The following ASTN1 variants were observed in gnomAD, a reference collection of about 807,000 sequenced individuals.
The protein encoded by ASTN1 is astrotactin-1.
Under a neutral mutation model 140.7 loss-of-function variants are expected in ASTN1, and 41 were observed. That is an observed-to-expected ratio of 0.29 (90% CI 0.23 to 0.38). The LOEUF (loss-of-function observed/expected upper bound fraction) is 0.38, where lower values mean the gene tolerates loss of function less well. ASTN1 is among the 10% of genes least tolerant of loss of function. ASTN1 has a pLI of 1.00. For missense variants in ASTN1, 1,479 were observed against 1,678.8 expected, an observed-to-expected ratio of 0.88 and a Z score of 2.08; for synonymous variants, 640 against 652.2, an observed-to-expected ratio of 0.98 and a Z score of 0.29.
intron 1 of ASTN1, among the ~76,000 whole-genome samples, chr1:177,071,062 C>T (rs1678612613): frequency 6.6e-6 from 1 of 152,190 alleles, no homozygotes; most frequent in African/African-American, 2.4e-5. Flanking sequence ...AGTCCAGGAA[C>T]TATAAGTCCA....
chr1:177,066,390 G>A (rs1214144698), intron 1 of ASTN1, among the ~76,000 whole-genome samples: 1 of 152,198 alleles, frequency 6.6e-6, no homozygotes, highest in African/African-American at 2.4e-5. Flanking sequence ...AGAATAATCA[G>A]GGATAGGGAA....
intron 7 of ASTN1, among the ~76,000 whole-genome samples, chr1:177,022,086 C>T (rs534492436): frequency 1.5e-4 from 23 of 152,258 alleles, no homozygotes; most frequent in African/African-American, 5.5e-4. Context: ...AACTTTAACA[C>T]CTAAGATGGT....
chr1:176,947,717 C>T (rs1426558804), intron 12 of ASTN1, among the ~76,000 whole-genome samples: 1 of 152,196 alleles, frequency 6.6e-6, no homozygotes, highest in East Asian at 1.9e-4. Flanking sequence ...TCTCAGTCCA[C>T]CTTGAACATC....
chr1:177,164,612 G>A lies in ASTN1; in HGVS notation c.65C>T (p.Thr22Met), dbSNP rs779309257. Residue 22 changes from threonine (T) to methionine (M), a missense_variant, in exon 1 of 23, where the codon ACG (threonine) becomes ATG (methionine). Thr to Met is a moderately conservative substitution (Grantham distance 81). Coordinates refer to ENST00000361833, the MANE Select transcript of ASTN1 (RefSeq NM_004319.3). ...GGATGGATCCACGTCGCCGGCGGCC[G>A]TGGCCAGCACCGCCGCCGGCCCCCA... is the stretch of plus-strand genomic sequence containing the variant. ...CCWGPAAVLA[T>M]AAGDVDPSKE... 5.6e-6 allele frequency: 9 copies of A among 1,610,588 alleles called. No individual in the cohort carries two copies. The highest frequency in any genetic ancestry group is 5.5e-5 in the South Asian group (5 of 90,684).
chr1:177,083,215 T>C (rs1679264695), intron 1 of ASTN1, among the ~76,000 whole-genome samples: 1 of 152,116 alleles, frequency 6.6e-6, no homozygotes, highest in Admixed American at 6.6e-5. Flanking sequence ...CATGGATCAG[T>C]ATATTTTCCT....
At chr1:176,938,205 A>G (rs1671530115) in intron 14 of ASTN1, among the ~76,000 whole-genome samples, 1 of 152,208 alleles carries the variant, frequency 6.6e-6, no homozygotes, top group Middle Eastern at 3.2e-3. Context: ...GTTAACTTCA[A>G]AAGCATACAA....
At chr1:177,072,015 A>G (rs547670822) in intron 1 of ASTN1, among the ~76,000 whole-genome samples, 16 of 152,306 alleles carry the variant, frequency 1.1e-4, no homozygotes, top group African/African-American at 3.8e-4. Flanking sequence ...ATTAGAAACC[A>G]GAAGGCCAAT....
At chr1:177,105,541 G>A (rs1680509308) in intron 1 of ASTN1, among the ~76,000 whole-genome samples, 2 of 151,826 alleles carry the variant, frequency 1.3e-5, no homozygotes, top group Admixed American at 6.6e-5. Flanking sequence ...GTTCTGTGGC[G>A]ATTTCAACAC....
At chr1:176,881,021 G>C (rs1668772083) in intron 20 of ASTN1, among the ~76,000 whole-genome samples, 1 of 152,142 alleles carries the variant, frequency 6.6e-6, no homozygotes, top group African/African-American at 2.4e-5. Context: ...TAGTGGTTAG[G>C]AACAAAAAAC....
At chr1:176,888,724 AGGCATTTCT>A (rs1182638093) in intron 17 of ASTN1, among the ~76,000 whole-genome samples, 1 of 152,152 alleles carries the variant, frequency 6.6e-6, no homozygotes, top group Non-Finnish European at 1.5e-5. Flanking sequence ...ACTTGGCATT[AGGCATTTCT>A]TTCTTAGTAA....
chr1:177,085,176 G>T (rs892176199), intron 1 of ASTN1, among the ~76,000 whole-genome samples: 1 of 152,174 alleles, frequency 6.6e-6, no homozygotes, highest in Non-Finnish European at 1.5e-5. Context: ...GATGACATTT[G>T]TTCCGAATTC....
rs150023907 is a variant in ASTN1 at position 176,911,002 on chromosome 1, G to A, written c.2672-16172C>T. ...GGAAAAATTGTCTTCTATAAAACCC[G>A]TCCCTGGTGCCAAAAAGGTGGGGGA... On this transcript the variant is annotated intron_variant, in intron 16 of 22. Coordinates refer to ENST00000361833, the MANE Select transcript of ASTN1 (RefSeq NM_004319.3). 2.3e-4 allele frequency among the ~76,000 whole-genome samples: 35 copies of A among 152,214 alleles called. 1 individual carries two copies. Among genetic ancestry groups the A allele is most frequent in the South Asian group, 1.0e-3 (5 of 4,818 alleles).
At chr1:176,986,465 T>C (rs1673911166) in intron 8 of ASTN1, among the ~76,000 whole-genome samples, 1 of 152,140 alleles carries the variant, frequency 6.6e-6, no homozygotes, top group South Asian at 2.1e-4. Flanking sequence ...CAAAGGGATA[T>C]GAAAAGATTA....
intron 1 of ASTN1, among the ~76,000 whole-genome samples, chr1:177,129,588 G>A (rs984772713): frequency 6.6e-6 from 1 of 152,178 alleles, no homozygotes; most frequent in Admixed American, 6.5e-5. Flanking sequence ...TAAAAAAAGA[G>A]AAAAATGCAC....
intron 8 of ASTN1, among the ~76,000 whole-genome samples, chr1:176,973,586 C>A (rs12145795): frequency 2.0e-5 from 3 of 152,066 alleles, no homozygotes; most frequent in Non-Finnish European, 2.9e-5. Flanking sequence ...ACATTTTCCT[C>A]GTTCATTCAC....
intron 1 of ASTN1, among the ~76,000 whole-genome samples, chr1:177,129,310 T>C (rs148655573): frequency 6.6e-6 from 1 of 152,306 alleles, no homozygotes; most frequent in East Asian, 1.9e-4. Flanking sequence ...AAGAGATCAT[T>C]ATAGTTTCAA....
intron 16 of ASTN1, among the ~76,000 whole-genome samples, chr1:176,898,010 G>C (rs1480604929): frequency 6.6e-6 from 1 of 152,138 alleles, no homozygotes; most frequent in African/African-American, 2.4e-5. Context: ...CTGAGGGTCC[G>C]AGGGCCTTCC....
At chr1:176,992,515 A>G (rs1054835621) in intron 8 of ASTN1, among the ~76,000 whole-genome samples, 2 of 152,178 alleles carry the variant, frequency 1.3e-5, no homozygotes, top group African/African-American at 2.4e-5. Flanking sequence ...GGGCCCTTGT[A>G]TCCACTGACG....
chr1:177,075,325 G>T (rs910176093), intron 1 of ASTN1, among the ~76,000 whole-genome samples: 12 of 151,652 alleles, frequency 7.9e-5, no homozygotes, highest in African/African-American at 1.7e-4. Context: ...ACCCACCTCG[G>T]TCTCCCAAAG....
Sources: gnomAD v4.1 joint callset for allele counts (sites outside exome capture counted in the v4.1 genomes callset) on GRCh38, gnomAD v4.1.1 for gene constraint, MANE v1.5 for transcripts, NCBI Gene and HGNC (gene_info 2026-07-23, HGNC 2026-07-21) for gene names.